WDR59: variants seen among roughly 807,000 people sequenced by gnomAD.
The protein encoded by WDR59 is WD repeat domain 59, also known as GATOR2 complex protein WDR59.
In WDR59, 100 loss-of-function variants were observed where a neutral mutation model predicts 131.2. The ratio of observed to expected loss-of-function variants is 0.76; its 90% CI spans 0.65 to 0.90. The LOEUF (loss-of-function observed/expected upper bound fraction) is 0.90, where lower values mean the gene tolerates loss of function less well. Among genes scored for constraint, WDR59 ranks in the 40% least tolerant of loss-of-function variants. WDR59 has a pLI of 0.00. For synonymous variants in WDR59, 601 were observed against 466.2 expected, an observed-to-expected ratio of 1.29 and a Z score of -3.72; for missense variants, 1,203 against 1,262.2, an observed-to-expected ratio of 0.95 and a Z score of 0.71.
intron 1 of WDR59, chr16:74,979,146 C>G (rs1222847917): frequency 6.6e-6 from 1 of 152,064 alleles, no homozygotes; most frequent in Non-Finnish European, 1.5e-5. Context: ...ACATCTGTCG[C>G]ACTAGCCCCA....
At chr16:74,913,025 C>T (rs1447358591) in intron 13 of WDR59, among the ~76,000 whole-genome samples, 1 of 149,784 alleles carries the variant, frequency 6.7e-6, no homozygotes, top group African/African-American at 2.5e-5. Context: ...CACAGTGCTG[C>T]AGAGACTTTA....
At chr16:74,901,243 T>C (rs921692687) in intron 18 of WDR59, among the ~76,000 whole-genome samples, 2 of 151,990 alleles carry the variant, frequency 1.3e-5, no homozygotes, top group African/African-American at 4.8e-5. Context: ...ACCTCATCTC[T>C]ACAAAACACA....
Position 74,927,224 on chromosome 16 carries a change from G to A in WDR59, c.652-3221C>T, listed in dbSNP as rs142769310. On this transcript the variant is annotated intron_variant, in intron 8 of 25. Coordinates refer to ENST00000262144, the MANE Select transcript of WDR59 (RefSeq NM_030581.4). Reference sequence around the variant, plus strand: ...GATGGCATAACTGTTAAATTTAATGGCATCTCTGTTTTGATTCACTATGAA... The same window carrying A: ...GATGGCATAACTGTTAAATTTAATGACATCTCTGTTTTGATTCACTATGAA... Among the ~76,000 whole-genome samples, 456 of 152,238 alleles carry A rather than the reference G, an allele frequency of 3.0e-3. 4 individuals are homozygous for A. The highest frequency in any genetic ancestry group is 0.01 in the African/African-American group (435 of 41,538).
In WDR59 at chr16:74,965,944, G is replaced by C. The variant is rs147465470; in HGVS notation, c.55-122C>G. Reference sequence around the variant, plus strand: ...AGTCCCCAGCTCGCAGGTATCATTAGTTCTCTACAGTGGATGCTTCTACCC... The same window carrying C: ...AGTCCCCAGCTCGCAGGTATCATTACTTCTCTACAGTGGATGCTTCTACCC... On this transcript the variant is annotated intron_variant, in intron 1 of 25. Coordinates refer to ENST00000262144, the MANE Select transcript of WDR59 (RefSeq NM_030581.4). 1.0e-3 allele frequency: 914 copies of C among 879,308 alleles called. 9 individuals carry two copies. In the East Asian group the frequency reaches 0.021, roughly 20 times the overall value. 54.5% of individuals were successfully genotyped at this position (879,308 alleles called of 1,614,324 possible).
At chr16:74,942,155 T>C (rs563282726) in intron 7 of WDR59, among the ~76,000 whole-genome samples, 1 of 152,248 alleles carries the variant, frequency 6.6e-6, no homozygotes, top group South Asian at 2.1e-4. Context: ...CCAGCACTGT[T>C]TCCATCTCTA....
At chr16:74,917,737 A>T (rs931576450) in intron 11 of WDR59, among the ~76,000 whole-genome samples, 192 bp downstream of exon 11, 4 of 139,406 alleles carry the variant, frequency 2.9e-5, no homozygotes, top group Non-Finnish European at 6.0e-5. Context: ...TGAACCCGGG[A>T]GGCAGAGGTT....
At chr16:74,901,871 C>G (rs1965570449) in intron 18 of WDR59, among the ~76,000 whole-genome samples, 1 of 132,350 alleles carries the variant, frequency 7.6e-6, no homozygotes, top group African/African-American at 2.4e-5. Flanking sequence ...GTAATTCCCC[C>G]CTTGGCCCCT....
At chr16:74,899,584 A>T (rs1965450853) in intron 18 of WDR59, 2 of 881,854 alleles carry the variant, frequency 2.3e-6, no homozygotes, top group Admixed American at 2.7e-5. Context: ...CTGGTCCTGA[A>T]AACAGCTCGC....
At chr16:74,897,994 G>C (rs573881988) in intron 18 of WDR59, among the ~76,000 whole-genome samples, 20 of 152,278 alleles carry the variant, frequency 1.3e-4, no homozygotes, top group Admixed American at 1.3e-3. Context: ...TTAGGCCTTT[G>C]CTGCTAGCTA....
chr16:74,880,439 T>A (rs560248419), intron 25 of WDR59, among the ~76,000 whole-genome samples: 8 of 151,994 alleles, frequency 5.3e-5, no homozygotes, highest in Non-Finnish European at 1.2e-4. Flanking sequence ...AGAGTGAGAC[T>A]CTGTCTCCAA....
At chr16:74,966,848 C>T (rs2033796146) in intron 1 of WDR59, among the ~76,000 whole-genome samples, 1 of 152,162 alleles carries the variant, frequency 6.6e-6, no homozygotes, top group African/African-American at 2.4e-5. Flanking sequence ...CAGGAGCCAA[C>T]GTCTAACTCC....
rs142356354 is a variant in WDR59, at chr16:74,976,934, G to C, written c.54+8030C>G. ...AGGCAGGAGGATCATTTGAGCCCAG[G>C]AGGCAGAGGTTGCACTGATTCAAAA... On this transcript the variant is annotated intron_variant, in intron 1 of 25. Coordinates refer to ENST00000262144, the MANE Select transcript of WDR59 (RefSeq NM_030581.4). Among the ~76,000 whole-genome samples the C allele has an allele frequency of 5.5e-3, 840 of 152,206 alleles. 6 individuals are homozygous for C. The highest frequency in any genetic ancestry group is 8.5e-3 in the Non-Finnish European group (581 of 68,026).
At chr16:74,895,332 G>A (rs1295077643) in intron 18 of WDR59, among the ~76,000 whole-genome samples, 2 of 151,946 alleles carry the variant, frequency 1.3e-5, no homozygotes. Context: ...GTGTGATCTT[G>A]GCTCACTGAA....
rs923976388 is a variant in WDR59, at chr16:74,891,660, C to T, written c.2082+824G>A. Among the ~76,000 whole-genome samples the T allele has an allele frequency of 7.9e-5, 12 of 152,320 alleles. 1 individual carries two copies. The highest frequency in any genetic ancestry group is 1.9e-4 in the East Asian group (1 of 5,182). On this transcript the variant is annotated intron_variant, in intron 20 of 25. Coordinates refer to ENST00000262144, the MANE Select transcript of WDR59 (RefSeq NM_030581.4). ...CAAAAAGACTGGGTGTGGTGGCTCA[C>T]GCCTGTAATCCCAACACTTTGGGAG...
At chr16:74,948,666 A>T in intron 5 of WDR59, 110 bp from the exon 6 acceptor site, 1 of 910,140 alleles carries the variant, frequency 1.1e-6, no homozygotes, top group Non-Finnish European at 1.8e-6. Context: ...GGGAACTTGG[A>T]GTAGGTAGAT....
intron 8 of WDR59, among the ~76,000 whole-genome samples, chr16:74,933,798 T>C (rs554401335): frequency 6.6e-6 from 1 of 152,342 alleles, no homozygotes; most frequent in Admixed American, 6.5e-5. Context: ...TTAGTGGGGC[T>C]AGTCACGAAC....
At chr16:74,941,862 C>A (rs1220911013) in intron 7 of WDR59, among the ~76,000 whole-genome samples, 2 of 152,160 alleles carry the variant, frequency 1.3e-5, no homozygotes, top group Non-Finnish European at 2.9e-5. Context: ...CCACTTCTCG[C>A]TTCTCTTCCA....
chr16:74,938,126 A>G, intron 8 of WDR59, 24 bp downstream of exon 8: 1 of 1,459,578 alleles, frequency 6.9e-7, no homozygotes, highest in African/African-American at 1.4e-5. Context: ...CTGCTCCTCC[A>G]ACTTCCCCAT....
intron 17 of WDR59, among the ~76,000 whole-genome samples, chr16:74,906,083 G>C (rs1260550418): frequency 6.6e-6 from 1 of 151,860 alleles, no homozygotes; most frequent in Non-Finnish European, 1.5e-5. Flanking sequence ...GGGAGGCCGA[G>C]GCAGGCAGAT....
Sources: allele counts gnomAD v4.1 joint callset (sites outside exome capture counted in the v4.1 genomes callset), GRCh38; gene constraint gnomAD v4.1.1; transcripts MANE v1.5; gene names NCBI Gene and HGNC (gene_info 2026-07-23, HGNC 2026-07-21).